DMRT1: variants seen among roughly 807,000 people sequenced by gnomAD.
The protein encoded by DMRT1 is doublesex- and mab-3-related transcription factor 1.
In DMRT1, 7 loss-of-function variants were observed where a neutral mutation model predicts 32.3. That is an observed-to-expected ratio of 0.22 (90% CI 0.12 to 0.41). DMRT1 has a LOEUF of 0.41. Among genes scored for constraint, DMRT1 ranks in the 10% least tolerant of loss-of-function variants. The probability of loss-of-function intolerance (pLI) is 1.00; values close to 1 mark genes in which losing one functional copy is unlikely to be tolerated. For synonymous variants in DMRT1, 278 were observed against 206.1 expected (o/e 1.35, Z -2.99); for missense variants, 625 against 500.5 (o/e 1.25, Z -2.37).
At chr9:916,407 C>T (rs995861346) in intron 3 of DMRT1, among the ~76,000 whole-genome samples, 1 of 151,746 alleles carries the variant, frequency 6.6e-6, no homozygotes, top group African/African-American at 2.4e-5. Flanking sequence ...TTCTCTGTTG[C>T]CCAGGCTGGA....
chr9:925,434 T>C (rs1818489009), intron 4 of DMRT1, among the ~76,000 whole-genome samples: 1 of 152,106 alleles, frequency 6.6e-6, no homozygotes, highest in Non-Finnish European at 1.5e-5. Flanking sequence ...TATGTGTGAC[T>C]GGTATTTTGA....
chr9:941,928 G>A (rs190800209), intron 4 of DMRT1, among the ~76,000 whole-genome samples: 338 of 152,210 alleles, frequency 2.2e-3, no homozygotes, highest in Non-Finnish European at 3.5e-3. Context: ...CTGGATTCAG[G>A]TTGTTTGTAT....
At position 913,145 on chromosome 9, in the gene DMRT1, AC is replaced by A. The variant is rs1004450153; in HGVS notation, c.823-3617del. Among the ~76,000 whole-genome samples the A allele has an allele frequency of 2.4e-4, 37 of 152,342 alleles. 1 individual carries two copies. Among genetic ancestry groups the A allele is most frequent in the Admixed American group, 2.2e-3 (33 of 15,296 alleles). ...TGTGTAAACTTTCATAGTAAAAAAA[AC>A]ATCCAGCATTTTGCAGAGCATTTAG... On this transcript the variant is annotated intron_variant, in intron 3 of 4. Transcript: ENST00000382276.
intron 3 of DMRT1, among the ~76,000 whole-genome samples, chr9:914,954 A>G (rs1193744192): frequency 2.0e-5 from 3 of 152,238 alleles, no homozygotes; most frequent in Non-Finnish European, 4.4e-5. Context: ...ATGTTCATAG[A>G]AAATCTTGAG....
intron 4 of DMRT1, among the ~76,000 whole-genome samples, chr9:961,489 T>G (rs1330122279): frequency 6.6e-6 from 1 of 152,190 alleles, no homozygotes; most frequent in Non-Finnish European, 1.5e-5. Context: ...GGGATAATAA[T>G]GCTATTTTCT....
intron 2 of DMRT1, among the ~76,000 whole-genome samples, chr9:857,878 T>G (rs896276200): frequency 2.8e-4 from 41 of 148,310 alleles, no homozygotes; most frequent in Admixed American, 6.2e-4. Context: ...CATGTGGTGG[T>G]TGGTGTTTTG....
intron 4 of DMRT1, among the ~76,000 whole-genome samples, chr9:957,263 G>T (rs187822676): frequency 6.6e-6 from 1 of 152,348 alleles, no homozygotes; most frequent in Non-Finnish European, 1.5e-5. Context: ...AGAAGGCACA[G>T]TAACAATAAC....
intron 2 of DMRT1, among the ~76,000 whole-genome samples, chr9:884,943 C>T (rs1296991801): frequency 6.6e-6 from 1 of 152,356 alleles, no homozygotes; most frequent in Middle Eastern, 3.4e-3. Flanking sequence ...ACACTCCAGC[C>T]TGGGCAACAG....
chr9:864,928 A>G (rs558459037), intron 2 of DMRT1, among the ~76,000 whole-genome samples: 7 of 152,352 alleles, frequency 4.6e-5, no homozygotes, highest in African/African-American at 1.7e-4. Context: ...TCCATTCATT[A>G]TATAATAAAC....
At chr9:900,368 C>T (rs1365868003) in intron 3 of DMRT1, among the ~76,000 whole-genome samples, 1 of 99,526 alleles carries the variant, frequency 1.0e-5, no homozygotes, top group East Asian at 3.1e-4. Flanking sequence ...CGTTTTCCCA[C>T]TGCCCCCCCT....
At chr9:918,940 A>G (rs1818269415) in intron 4 of DMRT1, among the ~76,000 whole-genome samples, 1 of 152,196 alleles carries the variant, frequency 6.6e-6, no homozygotes, top group Admixed American at 6.5e-5. Flanking sequence ...CTCAAAGGTC[A>G]TCTCATGGGA....
intron 4 of DMRT1, among the ~76,000 whole-genome samples, chr9:959,904 T>C (rs1356649303): frequency 6.6e-6 from 1 of 152,244 alleles, no homozygotes; most frequent in East Asian, 1.9e-4. Flanking sequence ...TTGCAGTGTG[T>C]CTTGTGAAGG....
At chr9:842,414 TA>T (rs1260895771) in intron 1 of DMRT1, 1 of 608,186 alleles carries the variant, frequency 1.6e-6, no homozygotes, top group African/African-American at 1.9e-5. Flanking sequence ...TTTGTATTTT[TA>T]GTAGAGACGG....
Position 862,273 on chromosome 9 carries a change from G to T in DMRT1, c.538+15130G>T, listed in dbSNP as rs576142101. On this transcript the variant is annotated intron_variant, in intron 2 of 4. Coordinates refer to ENST00000382276, the MANE Select transcript of DMRT1 (RefSeq NM_021951.3). ...CCGGCACCTCGGGAGGCCGAGGCTG[G>T]CAGACCACTCGCGGTCAGGAGCTGG... Among the ~76,000 whole-genome samples the T allele has an allele frequency of 2.0e-5, 3 of 152,298 alleles. 1 individual carries two copies. The East Asian group carries it at 5.8e-4, about 30-fold the overall frequency.
At chr9:957,773 G>T (rs1318104123) in intron 4 of DMRT1, among the ~76,000 whole-genome samples, 2 of 152,204 alleles carry the variant, frequency 1.3e-5, no homozygotes, top group Non-Finnish European at 2.9e-5. Context: ...ACTTTGGGAG[G>T]CTGAGGCAGG....
intron 4 of DMRT1, among the ~76,000 whole-genome samples, chr9:950,582 A>T (rs971462622): frequency 6.6e-6 from 1 of 152,202 alleles, no homozygotes; most frequent in Non-Finnish European, 1.5e-5. Context: ...TAGGGGCTCA[A>T]CGAATGATAG....
At position 905,473 on chromosome 9, in the gene DMRT1, C is replaced by CGTGTGTGT. The variant is rs745430195; in HGVS notation, c.822+11278_822+11279insGTGTGTGT. On this transcript the variant is annotated intron_variant, in intron 3 of 4. Coordinates refer to ENST00000382276, the MANE Select transcript of DMRT1 (RefSeq NM_021951.3). ...TTCGCTGTCTCCTCACTCCCTTGCC[C>CGTGTGTGT]CTGTGTGTGTGTGTCTGTGTGTGTG... is the stretch of plus-strand genomic sequence containing the variant. Among the ~76,000 whole-genome samples the CGTGTGTGT allele has an allele frequency of 4.0e-3, 580 of 143,582 alleles. 1 individual carries two copies. The highest frequency in any genetic ancestry group is 8.3e-3 in the African/African-American group (300 of 35,970). 94.2% of individuals were successfully genotyped at this position (143,582 alleles called of 152,430 possible).
At chr9:927,593 G>A (rs529915076) in intron 4 of DMRT1, among the ~76,000 whole-genome samples, 1 of 152,258 alleles carries the variant, frequency 6.6e-6, no homozygotes, top group African/African-American at 2.4e-5. Flanking sequence ...AACACTGAAA[G>A]TTAGCTTTAT....
chr9:932,080 A>G (rs551279746), intron 4 of DMRT1, among the ~76,000 whole-genome samples: 6 of 152,246 alleles, frequency 3.9e-5, no homozygotes, highest in African/African-American at 1.4e-4. Flanking sequence ...GCTCTCAGAG[A>G]TAGAGAACGC....
Sources: allele counts gnomAD v4.1 joint callset (sites outside exome capture counted in the v4.1 genomes callset), GRCh38; gene constraint gnomAD v4.1.1; transcripts MANE v1.5; gene names NCBI Gene and HGNC (gene_info 2026-07-23, HGNC 2026-07-21).